The following CCSER1 variants were observed in gnomAD, a reference collection of about 807,000 sequenced individuals.
CCSER1 encodes the protein serine-rich coiled-coil domain-containing protein 1.
In CCSER1, 41 loss-of-function variants were observed where a neutral mutation model predicts 82.0. The ratio of observed to expected loss-of-function variants is 0.50; its 90% confidence interval spans 0.39 to 0.65. CCSER1 has a LOEUF of 0.65. Ranked by LOEUF, CCSER1 falls within the 30% of genes least tolerant of loss-of-function variation. The probability of loss-of-function intolerance (pLI) is 0.00; values close to 1 mark genes in which losing one functional copy is unlikely to be tolerated. For missense variants in CCSER1, 1,119 were observed against 1,064.2 expected, an observed-to-expected ratio of 1.05 and a Z score of -0.72; for synonymous variants, 414 against 383.9, an observed-to-expected ratio of 1.08 and a Z score of -0.92.
At chr4:90,556,927 CCCTT>C (rs1463715532) in intron 5 of CCSER1, among the ~76,000 whole-genome samples, 1 of 151,576 alleles carries the variant, frequency 6.6e-6, no homozygotes, top group Non-Finnish European at 1.5e-5. Context: ...AGAAGAGACT[CCCTT>C]CTTTATTAGC....
At chr4:91,424,841 AT>A (rs1389069911) in intron 10 of CCSER1, among the ~76,000 whole-genome samples, 1 of 152,122 alleles carries the variant, frequency 6.6e-6, no homozygotes, top group Admixed American at 6.5e-5. Context: ...TGGTGTGAGT[AT>A]GTAGAAAAAG....
chr4:91,598,935 G>A lies in CCSER1; in HGVS notation c.2581G>A (p.Gly861Ser). 1 of 1,551,592 alleles carries A rather than the reference G, an allele frequency of 6.4e-7. No homozygotes were observed. Residue 861 changes from glycine to serine, a missense_variant, in exon 11 of 11, where the codon GGC (glycine) becomes AGC (serine). Gly to Ser is a moderately conservative substitution (Grantham distance 56). Transcript: ENST00000509176. ...GGCCCGACAGCATTCGACCTTTACA[G>A]GCAGGTTTGGACAGCCACCCAGAGG... ...ATARQHSTFT[G>S]RFGQPPRGPI...
chr4:90,593,625 C>T (rs1201842330), intron 5 of CCSER1, among the ~76,000 whole-genome samples: 16 of 151,976 alleles, frequency 1.1e-4, no homozygotes, highest in East Asian at 1.9e-4. Context: ...TCTCCTGCCT[C>T]GATAGAGGCT....
At chr4:91,333,824 C>T (rs1747123671) in intron 10 of CCSER1, among the ~76,000 whole-genome samples, 1 of 151,960 alleles carries the variant, frequency 6.6e-6, no homozygotes, top group Non-Finnish European at 1.5e-5. Flanking sequence ...GAAGGACATA[C>T]AAATAGCAAA....
chr4:90,850,482 C>T (rs1763743025), intron 8 of CCSER1, among the ~76,000 whole-genome samples: 1 of 152,196 alleles, frequency 6.6e-6, no homozygotes, highest in South Asian at 2.1e-4. Flanking sequence ...GCGGAGCTGC[C>T]CAAGGCCATG....
intron 10 of CCSER1, among the ~76,000 whole-genome samples, chr4:91,586,325 T>C (rs1217561985): frequency 6.6e-6 from 1 of 151,694 alleles, no homozygotes; most frequent in Non-Finnish European, 1.5e-5. Flanking sequence ...TAAGAGTTGT[T>C]CACATGAAGT....
At chr4:91,308,949 G>C (rs7669836) in intron 10 of CCSER1, among the ~76,000 whole-genome samples, 118,038 of 151,780 alleles carry the variant, frequency 0.78, 46,000 homozygotes, top group Middle Eastern at 0.84. Context: ...TTTGAATATG[G>C]TCAAAAAGTG....
chr4:90,290,719 A>G (rs1730772181), intron 1 of CCSER1, among the ~76,000 whole-genome samples: 1 of 151,866 alleles, frequency 6.6e-6, no homozygotes, highest in East Asian at 1.9e-4. Context: ...TTTCCTGTGA[A>G]CTATAGTGAT....
intron 9 of CCSER1, among the ~76,000 whole-genome samples, chr4:91,067,993 A>G (rs988529170): frequency 6.6e-6 from 1 of 152,202 alleles, no homozygotes; most frequent in African/African-American, 2.4e-5. Flanking sequence ...AACTTGTTAG[A>G]CATAGCCATG....
chr4:91,434,943 A>G (rs971067758), intron 10 of CCSER1, among the ~76,000 whole-genome samples: 2 of 152,174 alleles, frequency 1.3e-5, no homozygotes, highest in African/African-American at 4.8e-5. Flanking sequence ...AGCACTTTTC[A>G]AAATAGTTTC....
intron 6 of CCSER1, among the ~76,000 whole-genome samples, chr4:90,665,704 A>G (rs565848632): frequency 1.3e-5 from 2 of 152,326 alleles, no homozygotes; most frequent in South Asian, 4.1e-4. Flanking sequence ...AAGAGTTTAC[A>G]AAGCAGTGGG....
At chr4:91,525,308 C>T (rs1425522898) in intron 10 of CCSER1, among the ~76,000 whole-genome samples, 1 of 151,990 alleles carries the variant, frequency 6.6e-6, no homozygotes, top group Non-Finnish European at 1.5e-5. Flanking sequence ...AAGGAAGATC[C>T]TTAAGATTGA....
intron 1 of CCSER1, among the ~76,000 whole-genome samples, chr4:90,128,960 C>A (rs144001385): frequency 6.6e-6 from 1 of 152,012 alleles, no homozygotes. Context: ...AAAAATACTT[C>A]TTAGAAGTTA....
intron 10 of CCSER1, among the ~76,000 whole-genome samples, chr4:91,297,387 G>GTA (rs1351869604): frequency 7.8e-5 from 6 of 76,786 alleles, no homozygotes; most frequent in Admixed American, 1.4e-4. Flanking sequence ...GTGTGTGTAT[G>GTA]TGTGTGTGTG....
chr4:91,228,498 T>G (rs920245801), intron 10 of CCSER1, among the ~76,000 whole-genome samples: 1 of 151,932 alleles, frequency 6.6e-6, no homozygotes, highest in Non-Finnish European at 1.5e-5. Context: ...CAAAAAAATT[T>G]TAAAGAAATA....
At chr4:90,682,743 A>G (rs954061252) in intron 6 of CCSER1, among the ~76,000 whole-genome samples, 4 of 152,056 alleles carry the variant, frequency 2.6e-5, no homozygotes, top group African/African-American at 7.2e-5. Flanking sequence ...GTCCTTGAAC[A>G]TATATAATAG....
intron 10 of CCSER1, among the ~76,000 whole-genome samples, chr4:91,463,970 C>A (rs1057338079): frequency 6.6e-6 from 1 of 152,148 alleles, no homozygotes; most frequent in Non-Finnish European, 1.5e-5. Context: ...CCTAGCAAGG[C>A]AGGCCAACAT....
chr4:91,455,543 A>G (rs1403085048), intron 10 of CCSER1, among the ~76,000 whole-genome samples: 1 of 152,020 alleles, frequency 6.6e-6, no homozygotes, highest in Non-Finnish European at 1.5e-5. Context: ...TAGACACCGT[A>G]TATACTGGAA....
chr4:91,535,009 T>A (rs1016621095), intron 10 of CCSER1, among the ~76,000 whole-genome samples: 2 of 151,904 alleles, frequency 1.3e-5, no homozygotes, highest in South Asian at 4.2e-4. Flanking sequence ...ATTTTGTTGA[T>A]TGTTATAAAC....
Sources: allele counts gnomAD v4.1 joint callset (sites outside exome capture counted in the v4.1 genomes callset), GRCh38; gene constraint gnomAD v4.1.1; transcripts MANE v1.5; gene names NCBI Gene and HGNC (gene_info 2026-07-23, HGNC 2026-07-21).